DSC2: variants seen among roughly 807,000 people sequenced by gnomAD.
DSC2 encodes desmocollin-2.
DSC2 carries 51 observed loss-of-function variants against 87.6 expected under a neutral mutation model. That is an observed-to-expected ratio of 0.58 (90% CI 0.46 to 0.74). The LOEUF (loss-of-function observed/expected upper bound fraction) is 0.74. DSC2 is among the 30% of genes least tolerant of loss of function. The probability of loss-of-function intolerance (pLI) is 0.00; values close to 1 mark genes in which losing one functional copy is unlikely to be tolerated. For missense variants in DSC2, 1,066 were observed against 1,089.5 expected (o/e 0.98, Z 0.30); for synonymous variants, 383 against 393.2 (o/e 0.97, Z 0.31).
chr18:31,078,015 T>C (rs533933036), intron 11 of DSC2, among the ~76,000 whole-genome samples: 8 of 152,236 alleles, frequency 5.3e-5, no homozygotes, highest in African/African-American at 1.9e-4. Context: ...TGCAGGAATG[T>C]GTGGGCAAGT....
intron 9 of DSC2, among the ~76,000 whole-genome samples, chr18:31,081,779 T>C (rs1254583641): frequency 1.3e-5 from 2 of 152,206 alleles, no homozygotes; most frequent in Non-Finnish European, 2.9e-5. Flanking sequence ...CACTGAGGAT[T>C]TTCATTCTGA....
Position 31,087,660 on chromosome 18 carries a change from G to A in DSC2, c.775+9C>T. The A allele has an allele frequency of 6.2e-7, 1 of 1,610,102 alleles. No individual in the cohort carries two copies. The highest frequency in any genetic ancestry group is 8.5e-7 in the Non-Finnish European group (1 of 1,179,062). ...TAATTTGCCATATATTGTTTAAGGA[G>A]GTACTCACCCACTCTGCAATTTTCA... On this transcript the variant is annotated intron_variant, in intron 6 of 15. Transcript: ENST00000280904.
In DSC2 at chr18:31,101,885, G is replaced by A. The variant is rs1274405499; in HGVS notation, c.69+18C>T. 37 of 1,530,724 alleles carry A rather than the reference G, an allele frequency of 2.4e-5. No homozygotes were observed. The highest frequency in any genetic ancestry group is 8.0e-5 in the Admixed American group (4 of 50,314). 94.8% of individuals were successfully genotyped at this position (1,530,724 alleles called of 1,614,324 possible). A position where few individuals can be genotyped will look rare whatever the true frequency, so the allele number is the denominator to read the frequency against. ...CGATCGCCCCCTTCCCCGGAGCGGT[G>A]GCCGCGGCTACACTCACCGCGAGGG... On this transcript the variant is annotated intron_variant, in intron 1 of 15. Coordinates refer to ENST00000280904, the MANE Select transcript of DSC2 (RefSeq NM_024422.6).
chr18:31,088,627 A>G (rs1313317275), intron 5 of DSC2, among the ~76,000 whole-genome samples: 1 of 152,212 alleles, frequency 6.6e-6, no homozygotes, highest in Non-Finnish European at 1.5e-5. Flanking sequence ...CCTGTTGGGA[A>G]ATCAAACCAG....
intron 11 of DSC2, among the ~76,000 whole-genome samples, chr18:31,078,295 TCA>T (rs1303373940): frequency 6.6e-6 from 1 of 152,240 alleles, no homozygotes; most frequent in African/African-American, 2.4e-5. Flanking sequence ...CACAGTTCTC[TCA>T]CACAGAGTAA....
intron 4 of DSC2, 22 bp from the exon 5 acceptor site, chr18:31,089,616 C>T (rs2144839360): frequency 6.2e-7 from 1 of 1,607,204 alleles, no homozygotes; most frequent in South Asian, 1.1e-5. Flanking sequence ...ATATTATATA[C>T]ATGAGACAAA....
At chr18:31,101,251 G>A (rs996283629) in intron 1 of DSC2, 1 of 985,138 alleles carries the variant, frequency 1.0e-6, no homozygotes, top group African/African-American at 1.7e-5. Context: ...GTCCTCAGGA[G>A]CAAAGGGTCA....
chr18:31,069,694 AAC>A (rs1986761640), intron 14 of DSC2, among the ~76,000 whole-genome samples: 1 of 151,308 alleles, frequency 6.6e-6, no homozygotes, highest in Non-Finnish European at 1.5e-5. Context: ...CAGCTTTGGC[AAC>A]AGAGCCAGAT....
intron 1 of DSC2, among the ~76,000 whole-genome samples, chr18:31,095,680 G>C (rs1041644559): frequency 2.0e-5 from 3 of 152,066 alleles, no homozygotes; most frequent in Non-Finnish European, 4.4e-5. Context: ...TGTGTATCAT[G>C]TACCACACAC....
rs539813054 is a variant in DSC2, at chr18:31,089,628, C to A, written c.475-34G>T. The A allele has an allele frequency of 2.1e-4, 340 of 1,596,756 alleles. No individual in the cohort carries two copies. The South Asian group carries it at 3.6e-3, about 17-fold the overall frequency. On this transcript the variant is annotated intron_variant, in intron 4 of 15. Transcript: ENST00000280904. The stretch of plus-strand genomic sequence containing the variant: ...TAGATATTATATACATGAGACAAAT[C>A]TTTATTTCAGCAGAGCTTTCATCTA...
At position 31,061,436 on chromosome 18, in the gene DSC2, A is replaced by T. The variant is rs1265841155; in HGVS notation, c.*6579T>A. On this transcript the variant is annotated 3_prime_UTR_variant, in exon 16 of 16. Transcript: ENST00000280904. ...TTTCCCATGCACCAACTATCACTCC[A>T]TACGGAGGCACATCAGTGAGTATCT... 1 of 152,240 alleles carries T rather than the reference A, an allele frequency of 6.6e-6. No individual in the cohort carries two copies. Among genetic ancestry groups the T allele is most frequent in the Non-Finnish European group, 1.5e-5 (1 of 68,054 alleles). 9.4% of individuals were successfully genotyped at this position (152,240 alleles called of 1,614,324 possible). A position where few individuals can be genotyped will look rare whatever the true frequency, so the allele number is the denominator to read the frequency against.
chr18:31,066,186 T>C lies in DSC2; in HGVS notation c.*1829A>G, dbSNP rs1226033949. ...CCCCATGGCCTCACAGCCTTTAGAA[T>C]AGTCATATTATATAAATATGGCAAT... On this transcript the variant is annotated 3_prime_UTR_variant, in exon 16 of 16. Transcript: ENST00000280904. The C allele has an allele frequency of 1.3e-5, 2 of 152,144 alleles. No individual in the cohort carries two copies. The highest frequency in any genetic ancestry group is 2.9e-5 in the Non-Finnish European group (2 of 68,028). The allele number at this position is 152,144 out of a possible 1,614,324, so 9.4% of individuals were successfully genotyped here. A position where few individuals can be genotyped will look rare whatever the true frequency, so the allele number is the denominator to read the frequency against.
In DSC2 at chr18:31,093,631, C is replaced by T; in HGVS notation, c.82G>A (p.Ala28Thr). The stretch of plus-strand genomic sequence containing the variant: ...GTCACATTTTTGCAGGCATCACTGG[C>T]AAATATTAAGATCTAAAAAATGAAA... ...LLLTLAILIFASDACKNVTLH... is the reference protein window; with the variant it reads ...LLLTLAILIFTSDACKNVTLH... Residue 28 changes from alanine (A) to threonine (T), a missense_variant, in exon 2 of 16, where the codon GCC (alanine) becomes ACC (threonine). By Grantham distance (58) the Ala-to-Thr change is moderately conservative. Coordinates refer to ENST00000280904, the MANE Select transcript of DSC2 (RefSeq NM_024422.6). 1 of 1,583,448 alleles carries T rather than the reference C, an allele frequency of 6.3e-7. No homozygotes were observed.
chr18:31,068,308 T>C, intron 15 of DSC2, 96 bp from the exon 16 acceptor site: 1 of 1,613,714 alleles, frequency 6.2e-7, no homozygotes, highest in African/African-American at 1.3e-5. Context: ...CCTTTCATTG[T>C]TTAATTTTTA....
At chr18:31,075,942 G>A (rs530774401) in intron 11 of DSC2, among the ~76,000 whole-genome samples, 1 of 152,184 alleles carries the variant, frequency 6.6e-6, no homozygotes, top group African/African-American at 2.4e-5. Flanking sequence ...GAAAATCTGG[G>A]GGATTCAAAG....
chr18:31,097,421 T>C (rs1345231140), intron 1 of DSC2, among the ~76,000 whole-genome samples: 1 of 151,588 alleles, frequency 6.6e-6, no homozygotes, highest in African/African-American at 2.4e-5. Context: ...AAAGTACACT[T>C]GCAAAAAAAG....
chr18:31,097,145 A>G (rs980489614), intron 1 of DSC2, among the ~76,000 whole-genome samples: 3 of 151,876 alleles, frequency 2.0e-5, no homozygotes, highest in Admixed American at 6.6e-5. Flanking sequence ...AAAATTAGCC[A>G]GGCGTGGTGG....
Position 31,071,701 on chromosome 18 carries a change from A to G in DSC2, c.2029T>C (p.Cys677Arg). The G allele has an allele frequency of 6.2e-7, 1 of 1,614,128 alleles. No homozygotes were observed. The highest frequency in any genetic ancestry group is 8.5e-7 in the Non-Finnish European group (1 of 1,179,992). Residue 677 changes from cysteine to arginine, a missense_variant, in exon 13 of 16, where the codon TGC becomes CGC. By Grantham distance (180) the Cys-to-Arg change is radical. Transcript: ENST00000280904. Reference sequence around the variant, plus strand: ...ATCCTTGGATCTACACGATGTGTGCAGTCATTTTCGGTAATGCAGTCACAC... The same window carrying G: ...ATCCTTGGATCTACACGATGTGTGCGGTCATTTTCGGTAATGCAGTCACAC... ...TLCDCITEND[C>R]THRVDPRIGG... is the part of the protein sequence containing the mutation.
rs397517404 is a variant in DSC2 at position 31,086,694 on chromosome 18, G to A, written c.824C>T (p.Thr275Met). 15 of 1,614,120 alleles carry A rather than the reference G, an allele frequency of 9.3e-6. No individual in the cohort carries two copies. The highest frequency in any genetic ancestry group is 4.4e-5 in the South Asian group (4 of 91,078). The part of the protein sequence containing the change: ...VCATDKDEPD[T>M]MHTRLKYSII... ...GGAGTACTTCAGGCGTGTGTGCATC[G>A]TGTCAGGCTCATCTTTGTCAGTAGC... The change falls in exon 7 of 16, where the codon ACG becomes ATG. Residue 275 changes from threonine to methionine, a missense_variant. Coordinates refer to ENST00000280904, the MANE Select transcript of DSC2 (RefSeq NM_024422.6).
Sources: allele counts gnomAD v4.1 joint callset (sites outside exome capture counted in the v4.1 genomes callset), GRCh38; gene constraint gnomAD v4.1.1; transcripts MANE v1.5; gene names NCBI Gene and HGNC (gene_info 2026-07-23, HGNC 2026-07-21).